Variants in ADGRV1 observed in about 807,000 individuals in gnomAD.
The protein encoded by ADGRV1 is adhesion G protein-coupled receptor V1, also known as G-protein coupled receptor 98.
A neutral mutation model predicts 596.2 loss-of-function variants in ADGRV1; 359 were observed. The observed-to-expected ratio is 0.60, with a 90% CI of 0.55 to 0.66. The LOEUF (loss-of-function observed/expected upper bound fraction) is 0.66, where lower values mean the gene tolerates loss of function less well. Among genes scored for constraint, ADGRV1 ranks in the 30% least tolerant of loss-of-function variants. The pLI is 0.00. For missense variants in ADGRV1, 7,274 were observed against 7,575.6 expected, an observed-to-expected ratio of 0.96 and a Z score of 1.48; for synonymous variants, 2,681 against 2,679.2, an observed-to-expected ratio of 1.00 and a Z score of -0.02.
chr5:91,003,225 C>T (rs1430497441), intron 85 of ADGRV1, among the ~76,000 whole-genome samples: 1 of 152,140 alleles, frequency 6.6e-6, no homozygotes, highest in Non-Finnish European at 1.5e-5. Flanking sequence ...AGCTGCCCAG[C>T]TTTTTAGTGG....
intron 1 of ADGRV1, among the ~76,000 whole-genome samples, chr5:90,559,370 T>A (rs2151934923): frequency 6.6e-6 from 1 of 152,286 alleles, no homozygotes; most frequent in African/African-American, 2.4e-5. Context: ...AGGAGACTTG[T>A]TTGTGTTCCA....
intron 87 of ADGRV1, among the ~76,000 whole-genome samples, chr5:91,104,527 ACTT>A (rs1248897577): frequency 2.0e-5 from 3 of 152,130 alleles, no homozygotes; most frequent in Non-Finnish European, 4.4e-5. Context: ...ACAAGAACTT[ACTT>A]CTTCTATCTA....
chr5:91,040,514 A>G (rs1417541984), intron 85 of ADGRV1, among the ~76,000 whole-genome samples: 2 of 152,180 alleles, frequency 1.3e-5, no homozygotes, highest in Non-Finnish European at 1.5e-5. Flanking sequence ...CATTTCACTT[A>G]GTTGTTAATT....
intron 83 of ADGRV1, among the ~76,000 whole-genome samples, chr5:90,954,612 C>T (rs774147888): frequency 1.3e-4 from 20 of 152,040 alleles, no homozygotes; most frequent in Non-Finnish European, 1.9e-4. Flanking sequence ...AAAGTATAAA[C>T]ATTTGATATA....
intron 84 of ADGRV1, among the ~76,000 whole-genome samples, chr5:90,969,509 A>G (rs1393115071): frequency 6.6e-6 from 1 of 152,232 alleles, no homozygotes; most frequent in East Asian, 1.9e-4. Flanking sequence ...AACAGGCTCC[A>G]TAAATAGCAG....
chr5:91,040,425 G>A (rs1003611904), intron 85 of ADGRV1, among the ~76,000 whole-genome samples: 2 of 152,168 alleles, frequency 1.3e-5, no homozygotes, highest in Non-Finnish European at 2.9e-5. Flanking sequence ...GGAATCCTGT[G>A]TTGGGTGAAT....
At chr5:90,750,739 G>A in intron 53 of ADGRV1, 42 bp downstream of exon 53, 2 of 1,536,552 alleles carry the variant, frequency 1.3e-6, no homozygotes, top group South Asian at 2.3e-5. Flanking sequence ...TTTAAATTAT[G>A]GTTACTAGTG....
intron 45 of ADGRV1, among the ~76,000 whole-genome samples, chr5:90,723,535 C>T (rs1278359386): frequency 6.6e-6 from 1 of 152,152 alleles, no homozygotes; most frequent in Non-Finnish European, 1.5e-5. Flanking sequence ...GCTTATTCTT[C>T]ATTTGTGGTC....
intron 60 of ADGRV1, among the ~76,000 whole-genome samples, chr5:90,775,095 T>TA (rs1758087390): frequency 6.6e-6 from 1 of 152,294 alleles, no homozygotes; most frequent in South Asian, 2.1e-4. Flanking sequence ...TATTGTGCTA[T>TA]AAACAATAAT....
chr5:91,044,783 C>G (rs934598726), intron 85 of ADGRV1, among the ~76,000 whole-genome samples: 6 of 152,110 alleles, frequency 3.9e-5, no homozygotes, highest in Admixed American at 6.6e-5. Flanking sequence ...TTCTTGAACC[C>G]TTGTTATGTA....
chr5:90,632,218 C>G (rs956600997), intron 9 of ADGRV1, among the ~76,000 whole-genome samples: 3 of 152,016 alleles, frequency 2.0e-5, no homozygotes, highest in African/African-American at 7.3e-5. Context: ...ATGCAAGAAC[C>G]AGATTATTAA....
At chr5:91,031,669 A>G (rs1015971966) in intron 85 of ADGRV1, among the ~76,000 whole-genome samples, 1 of 152,184 alleles carries the variant, frequency 6.6e-6, no homozygotes, top group African/African-American at 2.4e-5. Context: ...TTATTTTCTG[A>G]TACCTGAGGT....
chr5:90,858,837 A>G (rs1395265973), intron 82 of ADGRV1, among the ~76,000 whole-genome samples: 1 of 152,170 alleles, frequency 6.6e-6, no homozygotes, highest in Non-Finnish European at 1.5e-5. Context: ...ACATGGTCTT[A>G]AGTTGGCTCT....
At position 90,658,180 on chromosome 5, in the gene ADGRV1, G is replaced by A; in HGVS notation, c.4654G>A (p.Ala1552Thr). Residue 1552 changes from alanine to threonine, a missense_variant, in exon 21 of 90, where the codon GCT (alanine) becomes ACT (threonine). Coordinates refer to ENST00000405460, the MANE Select transcript of ADGRV1 (RefSeq NM_032119.4). ...TAAACTAGTTTCTGTATATGGAGGA[G>A]CTCGTATTTCGGAAGAAAATACTAC... ...ILKLVSVYGGARISEENTTAR... is the reference protein window; with the variant it reads ...ILKLVSVYGGTRISEENTTAR... 2 of 1,590,880 alleles carry A rather than the reference G, an allele frequency of 1.3e-6. No homozygotes were observed. Among genetic ancestry groups the A allele is most frequent in the Non-Finnish European group, 8.6e-7 (1 of 1,166,732 alleles).
At position 90,564,623 on chromosome 5, in the gene ADGRV1, ATATTTTTTT is replaced by A. The variant is rs1755314976; in HGVS notation, c.22+5708_22+5716del. On this transcript the variant is annotated intron_variant, in intron 1 of 89. Coordinates refer to ENST00000405460, the MANE Select transcript of ADGRV1 (RefSeq NM_032119.4). Reference sequence around the variant, plus strand: ...TTTCCATGGCGTTTAATATATATATATATTTTTTTTTTTTTTTTTTTGAGACGGAGTCTC... The same window carrying A: ...TTTCCATGGCGTTTAATATATATATATTTTTTTTTTTTGAGACGGAGTCTC... Among the ~76,000 whole-genome samples the A allele has an allele frequency of 4.6e-5, 2 of 43,512 alleles. 1 individual carries two copies. Among genetic ancestry groups the A allele is most frequent in the Non-Finnish European group, 9.1e-5 (2 of 21,892 alleles). The allele number at this position is 43,512 out of a possible 152,430, so 28.5% of individuals were successfully genotyped here.
intron 26 of ADGRV1, 45 bp from the exon 27 acceptor site, chr5:90,681,270 T>C: frequency 6.3e-7 from 1 of 1,596,256 alleles, no homozygotes. Flanking sequence ...TGTAAATTAC[T>C]GATCATCATT....
intron 33 of ADGRV1, among the ~76,000 whole-genome samples, chr5:90,695,282 A>G (rs1473600137): frequency 1.3e-5 from 2 of 152,118 alleles, no homozygotes; most frequent in African/African-American, 4.8e-5. Flanking sequence ...TAAACAATAT[A>G]CTGATATTTT....
chr5:91,025,973 A>G (rs1273613387), intron 85 of ADGRV1, among the ~76,000 whole-genome samples: 1 of 152,186 alleles, frequency 6.6e-6, no homozygotes, highest in Non-Finnish European at 1.5e-5. Flanking sequence ...GCCGTCTAAT[A>G]ATGACGGTAA....
chr5:90,752,579 G>T (rs575622246), intron 53 of ADGRV1, among the ~76,000 whole-genome samples: 200 of 152,272 alleles, frequency 1.3e-3, no homozygotes, highest in African/African-American at 4.8e-3. Flanking sequence ...GTGTTAGTTT[G>T]CTAAGGATAA....
Sources: gnomAD v4.1 joint callset for allele counts (sites outside exome capture counted in the v4.1 genomes callset) on GRCh38, gnomAD v4.1.1 for gene constraint, MANE v1.5 for transcripts, NCBI Gene and HGNC (gene_info 2026-07-23, HGNC 2026-07-21) for gene names.